ZNF804B: variants seen among roughly 807,000 people sequenced by gnomAD.
The protein encoded by ZNF804B is zinc finger 804B.
ZNF804B carries 80 observed loss-of-function variants against 101.4 expected under a neutral mutation model. The observed-to-expected ratio is 0.79, with a 90% CI of 0.66 to 0.95. The LOEUF is 0.95. ZNF804B is among the 40% of genes least tolerant of loss of function. ZNF804B has a pLI of 0.00. For missense variants in ZNF804B, 1,673 were observed against 1,561.9 expected (o/e 1.07, Z -1.20); for synonymous variants, 622 against 558.8 (o/e 1.11, Z -1.59).
At chr7:88,856,213 C>T (rs149432688) in intron 1 of ZNF804B, among the ~76,000 whole-genome samples, 3,408 of 152,206 alleles carry the variant, frequency 0.022, 94 homozygotes, top group African/African-American at 0.062. Flanking sequence ...GCCATTTTCA[C>T]GATATTGATT....
chr7:88,972,874 G>A lies in ZNF804B; in HGVS notation c.108+212790G>A, dbSNP rs780151735. Among the ~76,000 whole-genome samples, 39 of 151,492 alleles carry A rather than the reference G, an allele frequency of 2.6e-4. 1 individual carries two copies. The highest frequency in any genetic ancestry group is 3.1e-4 in the Non-Finnish European group (21 of 67,570). Reference sequence around the variant, plus strand: ...GGAGAAATACAGGAGTACATATAGCGTTATGAGTGACAGACTTGCAGATTG... The same window carrying A: ...GGAGAAATACAGGAGTACATATAGCATTATGAGTGACAGACTTGCAGATTG... On this transcript the variant is annotated intron_variant, in intron 1 of 3. Coordinates refer to ENST00000333190, the MANE Select transcript of ZNF804B (RefSeq NM_181646.5).
At chr7:88,805,088 C>G (rs914338234) in intron 1 of ZNF804B, among the ~76,000 whole-genome samples, 1 of 152,068 alleles carries the variant, frequency 6.6e-6, no homozygotes, top group Non-Finnish European at 1.5e-5. Context: ...TTTTATGACA[C>G]TTAATATTGA....
chr7:88,854,843 G>C (rs187365606), intron 1 of ZNF804B, among the ~76,000 whole-genome samples: 1 of 145,658 alleles, frequency 6.9e-6, no homozygotes, highest in Non-Finnish European at 1.5e-5. Flanking sequence ...CTATGAGTGA[G>C]AACACGTGGT....
intron 2 of ZNF804B, among the ~76,000 whole-genome samples, chr7:89,312,964 C>T (rs1584119529): frequency 2.6e-5 from 4 of 152,266 alleles, no homozygotes; most frequent in Admixed American, 2.6e-4. Flanking sequence ...CAAATTACAA[C>T]TTATCCTGTT....
rs374835217 is a variant in ZNF804B, at chr7:89,336,843, C to G, written c.3861C>G (p.Pro1287=). The G allele has an allele frequency of 6.2e-6, 10 of 1,613,964 alleles. No individual in the cohort carries two copies. The highest frequency in any genetic ancestry group is 7.6e-6 in the Non-Finnish European group (9 of 1,180,004). Residue 1287 remains proline (P), a synonymous_variant, in exon 4 of 4, where the codon CCC becomes CCG. Coordinates refer to ENST00000333190, the MANE Select transcript of ZNF804B (RefSeq NM_181646.5). ...CTCACATAACACTTCAGCCTCTGCC[C>G]CCTACAGCATTTATTCCTACATTGT... The part of the protein sequence containing the change: ...HPSHITLQPL[P]PTAFIPTLFG...
intron 2 of ZNF804B, among the ~76,000 whole-genome samples, chr7:89,229,440 C>A (rs537516701): frequency 4.6e-5 from 7 of 152,080 alleles, no homozygotes. Flanking sequence ...CTGAGTTGAG[C>A]AAGAAGCAAA....
intron 1 of ZNF804B, among the ~76,000 whole-genome samples, chr7:89,128,035 T>C (rs561749281): frequency 2.8e-4 from 42 of 152,042 alleles, no homozygotes; most frequent in African/African-American, 9.4e-4. Context: ...TAGGTATTTT[T>C]GTGAACATCA....
intron 2 of ZNF804B, among the ~76,000 whole-genome samples, chr7:89,280,091 G>T (rs955639816): frequency 6.6e-6 from 1 of 152,030 alleles, no homozygotes; most frequent in African/African-American, 2.4e-5. Context: ...ACTAGAACTC[G>T]GGATTAAGAA....
chr7:89,334,173 T>G lies in ZNF804B; in HGVS notation c.1191T>G (p.Ser397Arg), dbSNP rs1791034323. 6.2e-7 allele frequency: 1 copy of G among 1,613,246 alleles called. No homozygotes were observed. The highest frequency in any genetic ancestry group is 1.1e-5 in the South Asian group (1 of 91,062). ...CACTGGAGCCAAGTGAACAAAAGAG[T>G]ACAGTGCATCTGAATCCAAATTCCA... ...FSSLEPSEQK[S>R]TVHLNPNSRI... Residue 397 changes from serine to arginine, a missense_variant, in exon 4 of 4, where the codon AGT becomes AGG. Transcript: ENST00000333190.
intron 1 of ZNF804B, among the ~76,000 whole-genome samples, chr7:89,062,888 G>A (rs1167493038): frequency 2.6e-5 from 4 of 152,088 alleles, no homozygotes; most frequent in African/African-American, 4.8e-5. Context: ...TACATTATCA[G>A]AAGAAACTTG....
At chr7:89,018,912 ATTTG>A (rs1412726921) in intron 1 of ZNF804B, among the ~76,000 whole-genome samples, 8 of 151,744 alleles carry the variant, frequency 5.3e-5, no homozygotes, top group African/African-American at 1.7e-4. Context: ...GGTTTATTGA[ATTTG>A]TTTATCTTTC....
chr7:89,057,503 A>G (rs1303803084), intron 1 of ZNF804B, among the ~76,000 whole-genome samples: 2 of 52,754 alleles, frequency 3.8e-5, no homozygotes, highest in South Asian at 4.6e-4. Context: ...AACCCTCTTC[A>G]TTTATTTAAA....
intron 1 of ZNF804B, among the ~76,000 whole-genome samples, chr7:88,844,223 A>C (rs747089709): frequency 8.5e-5 from 13 of 152,226 alleles, no homozygotes; most frequent in Non-Finnish European, 1.6e-4. Flanking sequence ...CAAAAATGTT[A>C]ACTAAATTTC....
chr7:89,015,710 T>C (rs373001729), intron 1 of ZNF804B, among the ~76,000 whole-genome samples: 6 of 152,132 alleles, frequency 3.9e-5, no homozygotes, highest in South Asian at 2.1e-4. Flanking sequence ...TGTATATGTG[T>C]CACATTTTCT....
intron 1 of ZNF804B, among the ~76,000 whole-genome samples, chr7:88,858,242 G>A (rs1227900687): frequency 1.3e-5 from 2 of 152,110 alleles, no homozygotes; most frequent in Non-Finnish European, 2.9e-5. Context: ...TTTTCTTGCT[G>A]GGTATTACTT....
At chr7:89,040,511 T>C (rs992805480) in intron 1 of ZNF804B, among the ~76,000 whole-genome samples, 2 of 152,178 alleles carry the variant, frequency 1.3e-5, no homozygotes, top group African/African-American at 4.8e-5. Flanking sequence ...CATTGATACA[T>C]TGTTTTCTTA....
chr7:89,307,340 G>A (rs1026517440), intron 2 of ZNF804B, among the ~76,000 whole-genome samples: 1 of 151,886 alleles, frequency 6.6e-6, no homozygotes, highest in Admixed American at 6.6e-5. Context: ...TTTTAAAGTG[G>A]TTAATTGCAT....
intron 2 of ZNF804B, among the ~76,000 whole-genome samples, chr7:89,255,683 T>G (rs1378094940): frequency 2.0e-5 from 3 of 152,148 alleles, no homozygotes; most frequent in Non-Finnish European, 2.9e-5. Flanking sequence ...GAGGAAATAA[T>G]TTTTTAATAA....
intron 1 of ZNF804B, among the ~76,000 whole-genome samples, chr7:88,938,324 A>G (rs552255655): frequency 3.3e-5 from 5 of 152,156 alleles, no homozygotes; most frequent in African/African-American, 1.2e-4. Flanking sequence ...ATCTTAGTTA[A>G]TCTCTTTAGG....
Sources: allele counts gnomAD v4.1 joint callset (sites outside exome capture counted in the v4.1 genomes callset), GRCh38; gene constraint gnomAD v4.1.1; transcripts MANE v1.5; gene names NCBI Gene and HGNC (gene_info 2026-07-23, HGNC 2026-07-21).